APP: variants seen among roughly 807,000 people sequenced by gnomAD.
APP encodes the protein amyloid-beta precursor protein.
A neutral mutation model predicts 101.4 loss-of-function variants in APP; 31 were observed. The ratio of observed to expected loss-of-function variants is 0.31; its 90% CI spans 0.23 to 0.41. The LOEUF (loss-of-function observed/expected upper bound fraction) is 0.41. Ranked by LOEUF, APP falls within the 10% of genes least tolerant of loss-of-function variation. The pLI is 1.00. For synonymous variants in APP, 366 were observed against 364.4 expected, an observed-to-expected ratio of 1.00 and a Z score of -0.05; for missense variants, 839 against 1,003.7, an observed-to-expected ratio of 0.84 and a Z score of 2.22.
intron 7 of APP, among the ~76,000 whole-genome samples, chr21:25,999,452 C>G (rs2043189574): frequency 6.6e-6 from 1 of 152,144 alleles, no homozygotes; most frequent in Admixed American, 6.5e-5. Context: ...ACGGGCACTT[C>G]TACCCTCCGG....
intron 13 of APP, chr21:25,945,597 A>G (rs778272732): frequency 2.6e-5 from 6 of 228,920 alleles, no homozygotes; most frequent in Middle Eastern, 1.6e-3. Flanking sequence ...AGGCACACAG[A>G]TCAAAGAAAA....
chr21:25,961,673 GC>G (rs1260735830), intron 11 of APP, among the ~76,000 whole-genome samples: 1 of 152,122 alleles, frequency 6.6e-6, no homozygotes, highest in East Asian at 1.9e-4. Flanking sequence ...ATTTTATTAT[GC>G]TAAGACAAAG....
At chr21:25,962,589 T>C (rs565072613) in intron 11 of APP, among the ~76,000 whole-genome samples, 27 of 152,216 alleles carry the variant, frequency 1.8e-4, no homozygotes, top group Non-Finnish European at 3.2e-4. Context: ...ATAAACCTAC[T>C]TGATGTATCT....
intron 13 of APP, chr21:25,941,752 G>C (rs112425151): frequency 6.6e-6 from 1 of 152,282 alleles, no homozygotes; most frequent in African/African-American, 2.4e-5. Context: ...GGGATTACTG[G>C]TGTGACCGAC....
chr21:25,991,284 T>TA (rs11378700), intron 8 of APP, among the ~76,000 whole-genome samples: 152,225 of 152,226 alleles, frequency 1, 76,112 homozygotes, highest in Middle Eastern at 1. Flanking sequence ...TCCCCGTAAC[T>TA]AAAACCACTT....
chr21:26,129,971 G>A lies in APP; in HGVS notation c.58-17825C>T, dbSNP rs190563729. 6.6e-5 allele frequency among the ~76,000 whole-genome samples: 10 copies of A among 152,282 alleles called. No individual in the cohort carries two copies. In the East Asian group the frequency reaches 1.2e-3, roughly 18 times the overall value. On this transcript the variant is annotated intron_variant, in intron 1 of 17. Transcript: ENST00000346798. The stretch of plus-strand genomic sequence containing the variant: ...CCTTGTGATATTAGGGTGATACGGT[G>A]ATAAATTAAAAGCAACAGGTAATTA...
At chr21:26,154,284 G>A (rs2063332425) in intron 1 of APP, among the ~76,000 whole-genome samples, 1 of 152,118 alleles carries the variant, frequency 6.6e-6, no homozygotes, top group Admixed American at 6.5e-5. Flanking sequence ...TACCCATACA[G>A]ACAATAAAAT....
chr21:26,118,108 A>C (rs2062477484), intron 1 of APP, among the ~76,000 whole-genome samples: 1 of 152,210 alleles, frequency 6.6e-6, no homozygotes, highest in Admixed American at 6.5e-5. Context: ...AAGTTGACCC[A>C]AAACTCCTAC....
At chr21:26,031,046 C>T (rs11909477) in intron 5 of APP, among the ~76,000 whole-genome samples, 2,910 of 152,212 alleles carry the variant, frequency 0.019, 84 homozygotes, top group African/African-American at 0.067. Context: ...ACAAGTGTTA[C>T]AGAGAAAATG....
At chr21:26,083,711 GTTTC>G (rs1169474829) in intron 3 of APP, among the ~76,000 whole-genome samples, 1 of 152,040 alleles carries the variant, frequency 6.6e-6, no homozygotes, top group Non-Finnish European at 1.5e-5. Context: ...AATAAGCTGG[GTTTC>G]TTTTTCTCAC....
chr21:25,976,050 G>C, intron 9 of APP, 22 bp from the exon 10 acceptor site: 1 of 1,583,424 alleles, frequency 6.3e-7, no homozygotes, highest in African/African-American at 1.3e-5. Flanking sequence ...GGAAACATTT[G>C]AATTTAAAAT....
At chr21:26,107,309 A>C (rs1325646624) in intron 2 of APP, among the ~76,000 whole-genome samples, 1 of 152,166 alleles carries the variant, frequency 6.6e-6, no homozygotes, top group African/African-American at 2.4e-5. Context: ...CATGCAACTC[A>C]AGTGTGCTGG....
intron 11 of APP, among the ~76,000 whole-genome samples, chr21:25,970,701 A>G (rs1183127249): frequency 6.6e-6 from 1 of 152,218 alleles, no homozygotes; most frequent in Non-Finnish European, 1.5e-5. Flanking sequence ...AAGGCACCAC[A>G]GTGACTCGCG....
intron 3 of APP, among the ~76,000 whole-genome samples, chr21:26,082,827 G>A (rs1389218876): frequency 2.6e-5 from 4 of 151,960 alleles, no homozygotes; most frequent in Non-Finnish European, 5.9e-5. Flanking sequence ...CACACTGTGG[G>A]TGATCAATAA....
intron 10 of APP, 139 bp from the exon 11 acceptor site, chr21:25,975,367 C>A: frequency 8.9e-7 from 1 of 1,118,530 alleles, no homozygotes; most frequent in South Asian, 1.4e-5. Flanking sequence ...GTCATTCCAA[C>A]ATTGACTAAT....
chr21:26,141,061 G>A (rs372214643), intron 1 of APP, among the ~76,000 whole-genome samples: 2 of 152,146 alleles, frequency 1.3e-5, no homozygotes, highest in East Asian at 1.9e-4. Flanking sequence ...TCTATCTCAT[G>A]GAGTCAGTGT....
At chr21:25,909,091 A>C (rs1377654583) in intron 14 of APP, among the ~76,000 whole-genome samples, 3 of 151,898 alleles carry the variant, frequency 2.0e-5, no homozygotes, top group African/African-American at 7.3e-5. Context: ...GTGAAACCCT[A>C]TCTCTAGTAA....
At chr21:25,924,840 T>C (rs1057347807) in intron 13 of APP, among the ~76,000 whole-genome samples, 9 of 152,072 alleles carry the variant, frequency 5.9e-5, no homozygotes, top group African/African-American at 2.2e-4. Flanking sequence ...CTCGGCTTGC[T>C]GGATTTTCTT....
intron 3 of APP, among the ~76,000 whole-genome samples, chr21:26,077,062 CA>C (rs35080722): frequency 0.87 from 95,628 of 110,112 alleles, 41,170 homozygotes; most frequent in Middle Eastern, 0.92. Context: ...GACTCTGTCT[CA>C]AAAAAAAAAA....
Sources: allele counts gnomAD v4.1 joint callset (sites outside exome capture counted in the v4.1 genomes callset), GRCh38; gene constraint gnomAD v4.1.1; transcripts MANE v1.5; gene names NCBI Gene and HGNC (gene_info 2026-07-23, HGNC 2026-07-21).